Variants in TRHDE observed in about 807,000 individuals in gnomAD.
The protein encoded by TRHDE is thyrotropin releasing hormone degrading enzyme.
Under a neutral mutation model 125.7 loss-of-function variants are expected in TRHDE, and 72 were observed. The ratio of observed to expected loss-of-function variants is 0.57; its 90% CI spans 0.47 to 0.70. The LOEUF is 0.70. TRHDE is among the 30% of genes least tolerant of loss of function. The probability of loss-of-function intolerance (pLI) is 0.00; values close to 1 mark genes in which losing one functional copy is unlikely to be tolerated. For synonymous variants in TRHDE, 509 were observed against 509.1 expected (o/e 1.00, Z 0.00); for missense variants, 1,110 against 1,327.1 (o/e 0.84, Z 2.54).
At chr12:72,467,110 T>C (rs1398561366) in intron 3 of TRHDE, among the ~76,000 whole-genome samples, 6 of 152,214 alleles carry the variant, frequency 3.9e-5, no homozygotes, top group Non-Finnish European at 8.8e-5. Context: ...TACTTTAAGT[T>C]TTAGGGTACA....
chr12:72,122,492 G>A (rs1002989805), intron 2 of TRHDE, among the ~76,000 whole-genome samples: 1 of 152,126 alleles, frequency 6.6e-6, no homozygotes, highest in East Asian at 1.9e-4. Context: ...TTAAAGAAAT[G>A]TTTCCTGTAG....
At chr12:72,303,662 A>G (rs1481696830) in intron 2 of TRHDE, among the ~76,000 whole-genome samples, 1 of 152,094 alleles carries the variant, frequency 6.6e-6, no homozygotes, top group Non-Finnish European at 1.5e-5. Context: ...CATGCCCTCT[A>G]TTTGGGATGA....
At chr12:72,447,406 A>G (rs888924830) in intron 3 of TRHDE, among the ~76,000 whole-genome samples, 27 of 152,156 alleles carry the variant, frequency 1.8e-4, no homozygotes, top group Non-Finnish European at 3.8e-4. Flanking sequence ...TGCCCACAAG[A>G]GAAAGCAGGA....
chr12:72,438,116 T>C (rs548010270), intron 3 of TRHDE, among the ~76,000 whole-genome samples: 105 of 152,010 alleles, frequency 6.9e-4, no homozygotes, highest in African/African-American at 2.2e-3. Flanking sequence ...CTTTTCTTCT[T>C]TTATACGGCC....
At chr12:72,399,562 C>G (rs1872950638) in intron 3 of TRHDE, among the ~76,000 whole-genome samples, 1 of 152,084 alleles carries the variant, frequency 6.6e-6, no homozygotes, top group African/African-American at 2.4e-5. Flanking sequence ...TTCTATTTCT[C>G]ACCAAGAAAC....
intron 6 of TRHDE, among the ~76,000 whole-genome samples, chr12:72,524,983 A>G (rs1420695351): frequency 6.6e-6 from 1 of 152,006 alleles, no homozygotes; most frequent in Admixed American, 6.6e-5. Flanking sequence ...CAGAGAACTG[A>G]CCTCCAAGAC....
At chr12:72,238,274 TAATA>T (rs1474407877) in intron 2 of TRHDE, among the ~76,000 whole-genome samples, 2 of 56,326 alleles carry the variant, frequency 3.6e-5, no homozygotes, top group Admixed American at 5.6e-4. Context: ...GTCAGATCCT[TAATA>T]TATATATATA....
In TRHDE at chr12:72,383,103, G is replaced by T. The variant is rs1389370880; in HGVS notation, c.1315+4982G>T. ...AATGAGGTAATTAAAACTAAGGTTT[G>T]CAGAGATTTTCTATTTCTTGGTATT... On this transcript the variant is annotated intron_variant, in intron 3 of 18. Transcript: ENST00000261180. Among the ~76,000 whole-genome samples, 5 of 152,128 alleles carry T rather than the reference G, an allele frequency of 3.3e-5. No homozygotes were observed. In the East Asian group the frequency reaches 9.6e-4, roughly 29 times the overall value.
chr12:72,461,477 A>G (rs1876122605), intron 3 of TRHDE, among the ~76,000 whole-genome samples: 2 of 152,286 alleles, frequency 1.3e-5, no homozygotes, highest in Admixed American at 6.5e-5. Flanking sequence ...TATTAATATT[A>G]CTGTTTTAAA....
chr12:72,290,826 G>A lies in TRHDE; in HGVS notation c.1188+3872G>A, dbSNP rs764394210. Reference sequence around the variant, plus strand: ...AGCTCCAAAGGTGAGTGTCCTGAAAGAACTAGGTGGGCGTTATGTGGAATT... The same window carrying A: ...AGCTCCAAAGGTGAGTGTCCTGAAAAAACTAGGTGGGCGTTATGTGGAATT... On this transcript the variant is annotated intron_variant, in intron 2 of 18. Transcript: ENST00000261180. Among the ~76,000 whole-genome samples the A allele has an allele frequency of 1.3e-3, 199 of 152,220 alleles. 5 individuals carry two copies. Among genetic ancestry groups the A allele is most frequent in the Non-Finnish European group, 3.7e-4 (25 of 68,042 alleles).
intron 3 of TRHDE, among the ~76,000 whole-genome samples, chr12:72,389,930 G>C (rs1393775437): frequency 6.6e-6 from 1 of 152,196 alleles, no homozygotes; most frequent in Non-Finnish European, 1.5e-5. Flanking sequence ...TGGGACCAGA[G>C]TGGTAGTAGT....
chr12:72,280,682 A>G (rs750257204), intron 1 of TRHDE, among the ~76,000 whole-genome samples: 1 of 152,216 alleles, frequency 6.6e-6, no homozygotes, highest in Non-Finnish European at 1.5e-5. Context: ...GAAACACACA[A>G]GTCTCTGATT....
At chr12:72,283,823 C>T (rs2139423842) in intron 1 of TRHDE, among the ~76,000 whole-genome samples, 1 of 152,090 alleles carries the variant, frequency 6.6e-6, no homozygotes, top group East Asian at 1.9e-4. Context: ...ATTACAACCT[C>T]TCTGTTGAAC....
chr12:72,411,649 A>T (rs1178048961), intron 3 of TRHDE, among the ~76,000 whole-genome samples: 3 of 152,150 alleles, frequency 2.0e-5, no homozygotes, highest in Non-Finnish European at 4.4e-5. Context: ...CTTGTTCAAA[A>T]GGTATATGGG....
intron 2 of TRHDE, among the ~76,000 whole-genome samples, chr12:72,160,656 T>A (rs1259909976): frequency 6.6e-6 from 1 of 152,134 alleles, no homozygotes; most frequent in South Asian, 2.1e-4. Context: ...GCCACTGCAC[T>A]CCAGCCTGGT....
chr12:72,580,007 T>C (rs1186017460), intron 12 of TRHDE, among the ~76,000 whole-genome samples: 2 of 152,198 alleles, frequency 1.3e-5, no homozygotes. Flanking sequence ...AATTTTATCT[T>C]GTTCTTATTC....
chr12:72,332,302 C>A (rs1344124447), intron 2 of TRHDE, among the ~76,000 whole-genome samples: 2 of 152,138 alleles, frequency 1.3e-5, no homozygotes, highest in African/African-American at 2.4e-5. Flanking sequence ...CCATGCCTGG[C>A]TAATTTTTTG....
At chr12:72,191,111 G>T (rs902174458) in intron 2 of TRHDE, among the ~76,000 whole-genome samples, 6 of 152,182 alleles carry the variant, frequency 3.9e-5, no homozygotes, top group African/African-American at 1.4e-4. Flanking sequence ...GTAAGACAGT[G>T]GTTGGACATT....
upstream of TRHDE, among the ~76,000 whole-genome samples, chr12:72,271,437 G>A (rs1027619157): frequency 3.3e-5 from 5 of 152,052 alleles, no homozygotes; most frequent in Admixed American, 3.3e-4. Context: ...TGGGGCTAAG[G>A]AGTCAGGAAG....
Sources: gnomAD v4.1 joint callset for allele counts (sites outside exome capture counted in the v4.1 genomes callset) on GRCh38, gnomAD v4.1.1 for gene constraint, MANE v1.5 for transcripts, NCBI Gene and HGNC (gene_info 2026-07-23, HGNC 2026-07-21) for gene names.